The following TRAK1 variants were observed in gnomAD, a reference collection of about 807,000 sequenced individuals.
The protein encoded by TRAK1 is trafficking kinesin-binding protein 1.
TRAK1 carries 33 observed loss-of-function variants against 92.1 expected under a neutral mutation model. The observed-to-expected ratio is 0.36, with a 90% CI of 0.27 to 0.48. The LOEUF (loss-of-function observed/expected upper bound fraction) is 0.48, where lower values mean the gene tolerates loss of function less well. TRAK1 is among the 20% of genes least tolerant of loss of function. The pLI, the probability that TRAK1 is intolerant of heterozygous loss-of-function variation, is 0.99. For synonymous variants in TRAK1, 521 were observed against 517.3 expected (o/e 1.01, Z -0.10); for missense variants, 1,123 against 1,257.9 (o/e 0.89, Z 1.62).
At chr3:42,085,930 A>T (rs1227205145), upstream of TRAK1, among the ~76,000 whole-genome samples, 1 of 152,252 alleles carries the variant, frequency 6.6e-6, no homozygotes, top group East Asian at 1.9e-4. Flanking sequence ...TCCACTGTAC[A>T]TCCATGAAAG....
chr3:42,023,174 A>AAT (rs57879960), intron 1 of TRAK1, among the ~76,000 whole-genome samples: 27 of 146,632 alleles, frequency 1.8e-4, no homozygotes, highest in Non-Finnish European at 3.2e-4. Flanking sequence ...AAAAAAAAAA[A>AAT]CAACAAAAAG....
At chr3:42,021,691 G>A (rs907621821) in intron 1 of TRAK1, among the ~76,000 whole-genome samples, 2 of 152,006 alleles carry the variant, frequency 1.3e-5, no homozygotes, top group South Asian at 2.1e-4. Flanking sequence ...ATTCTCCTGC[G>A]TCAGCCTCCT....
chr3:42,171,040 C>A (rs1176024557), intron 2 of TRAK1, among the ~76,000 whole-genome samples: 1 of 151,892 alleles, frequency 6.6e-6, no homozygotes, highest in African/African-American at 2.4e-5. Flanking sequence ...TGGTCTTGAT[C>A]TCCTGACCTC....
chr3:42,200,751 T>C, intron 11 of TRAK1, 67 bp from the exon 12 acceptor site: 3 of 1,544,902 alleles, frequency 1.9e-6, no homozygotes, highest in Middle Eastern at 1.7e-4. Flanking sequence ...TTGATCATTT[T>C]TGGAGGGTTA....
At chr3:42,136,301 T>C (rs1697945944) in intron 2 of TRAK1, among the ~76,000 whole-genome samples, 1 of 152,158 alleles carries the variant, frequency 6.6e-6, no homozygotes, top group South Asian at 2.1e-4. Context: ...CCTGGCCTTG[T>C]AATGAACACG....
At position 42,219,603 on chromosome 3, in the gene TRAK1, G is replaced by C. The variant is rs761588584; in HGVS notation, c.2066+7G>C. On this transcript the variant is annotated splice_region_variant and intron_variant, in intron 15 of 15. Coordinates refer to ENST00000327628, the MANE Select transcript of TRAK1 (RefSeq NM_001042646.3). ...TCACTCGGGTCACACCAAGGTAAGG[G>C]ACCCTGGCTTTGGGGTGGGCAGGGG... 7.2e-6 allele frequency: 7 copies of C among 966,174 alleles called. No homozygotes were observed. The South Asian group carries it at 7.6e-5, about 10-fold the overall frequency. The allele number at this position is 966,174 out of a possible 1,614,324, so 59.9% of individuals were successfully genotyped here.
At chr3:42,056,920 G>A (rs1703226276) in intron 1 of TRAK1, among the ~76,000 whole-genome samples, 1 of 152,166 alleles carries the variant, frequency 6.6e-6, no homozygotes, top group African/African-American at 2.4e-5. Context: ...TTGTGTGAGA[G>A]ACAAAGTAAA....
At chr3:42,106,282 G>A (rs567424178) in intron 1 of TRAK1, among the ~76,000 whole-genome samples, 53 of 152,200 alleles carry the variant, frequency 3.5e-4, no homozygotes, top group South Asian at 1.5e-3. Flanking sequence ...CCCATCTCAC[G>A]TGCAGAGACA....
intron 4 of TRAK1, 33 bp downstream of exon 4, chr3:42,184,834 G>GC: frequency 6.3e-7 from 1 of 1,592,230 alleles, no homozygotes; most frequent in Non-Finnish European, 8.6e-7. Context: ...TTCCAGAGGG[G>GC]CCCGCCACAG....
At chr3:42,100,072 T>C (rs1282241074) in intron 1 of TRAK1, among the ~76,000 whole-genome samples, 3 of 152,172 alleles carry the variant, frequency 2.0e-5, no homozygotes, top group East Asian at 1.9e-4. Flanking sequence ...AGGCAGAGAC[T>C]GCCAGGGTTA....
At position 42,222,935 on chromosome 3, in the gene TRAK1, C is replaced by T. The variant is rs772343632; in HGVS notation, c.2067-7C>T. ...TCTGGTGAATAACCTGTCATTTCTT[C>T]TTTCAGCCTTAACTCAGCCCCAACT... On this transcript the variant is annotated splice_region_variant and splice_polypyrimidine_tract_variant and intron_variant, in intron 15 of 15. Coordinates refer to ENST00000327628, the MANE Select transcript of TRAK1 (RefSeq NM_001042646.3). The T allele has an allele frequency of 1.6e-5, 26 of 1,607,754 alleles. No homozygotes were observed. The highest frequency in any genetic ancestry group is 2.0e-5 in the Non-Finnish European group (24 of 1,175,546).
chr3:42,033,806 A>C (rs1265472233), intron 1 of TRAK1, among the ~76,000 whole-genome samples: 1 of 152,080 alleles, frequency 6.6e-6, no homozygotes, highest in Non-Finnish European at 1.5e-5. Context: ...TGATGTGTTG[A>C]TATTTTCTCT....
In TRAK1 at chr3:42,189,018, T is replaced by A; in HGVS notation, c.584T>A (p.Leu195Ter). The stretch of plus-strand genomic sequence containing the variant: ...TGTGAGCGTACTTTCTCCCCCAGGT[T>A]GAAGAGGAATGAGTCGTCCTCCTCA... The part of the protein sequence containing the change: ...SEPESVCSTP[L>*]KRNESSSSVQ... Residue 195 changes from leucine to a stop codon, truncating the protein, a stop_gained and splice_region_variant, in exon 6 of 16, where the codon TTG (leucine) becomes TAG (stop). Transcript: ENST00000327628. LOFTEE classifies it high-confidence loss of function. The A allele has an allele frequency of 6.2e-7, 1 of 1,611,844 alleles. No individual in the cohort carries two copies. Among genetic ancestry groups the A allele is most frequent in the Non-Finnish European group, 8.5e-7 (1 of 1,177,966 alleles).
At chr3:42,065,405 C>G (rs1255381342) in intron 1 of TRAK1, among the ~76,000 whole-genome samples, 1 of 152,106 alleles carries the variant, frequency 6.6e-6, no homozygotes, top group Non-Finnish European at 1.5e-5. Context: ...GTTTGAAATT[C>G]TGAAATCCAA....
chr3:42,030,628 G>T (rs1293522344), intron 1 of TRAK1, among the ~76,000 whole-genome samples: 2 of 142,672 alleles, frequency 1.4e-5, no homozygotes, highest in African/African-American at 2.7e-5. Flanking sequence ...AGCCAAGATT[G>T]CACCACTGCA....
At chr3:42,167,958 T>G (rs1702078512) in intron 2 of TRAK1, among the ~76,000 whole-genome samples, 2 of 152,322 alleles carry the variant, frequency 1.3e-5, no homozygotes, top group South Asian at 4.1e-4. Flanking sequence ...TAGGACTATT[T>G]GGTCAAGTCT....
intron 2 of TRAK1, among the ~76,000 whole-genome samples, chr3:42,172,093 A>G (rs1702640279): frequency 6.6e-6 from 1 of 152,272 alleles, no homozygotes; most frequent in South Asian, 2.1e-4. Flanking sequence ...GCATCCCAAG[A>G]AGAAGGACTT....
chr3:42,169,949 C>T (rs1391308192), intron 2 of TRAK1, among the ~76,000 whole-genome samples: 1 of 152,154 alleles, frequency 6.6e-6, no homozygotes, highest in Non-Finnish European at 1.5e-5. Context: ...GCAGGAAATT[C>T]CCAGATGGAG....
At chr3:42,111,961 G>T (rs1468647716) in intron 1 of TRAK1, among the ~76,000 whole-genome samples, 2 of 146,380 alleles carry the variant, frequency 1.4e-5, no homozygotes, top group Non-Finnish European at 1.5e-5. Context: ...CACACTTCCC[G>T]AGCTTCTCCC....
Sources: gnomAD v4.1 joint callset for allele counts (sites outside exome capture counted in the v4.1 genomes callset) on GRCh38, gnomAD v4.1.1 for gene constraint, MANE v1.5 for transcripts, NCBI Gene and HGNC (gene_info 2026-07-23, HGNC 2026-07-21) for gene names.